The following C21orf91 variants were observed in gnomAD, a reference collection of about 807,000 sequenced individuals.
C21orf91 encodes the protein chromosome 21 open reading frame 91, also known as protein EURL homolog.
A neutral mutation model predicts 32.9 loss-of-function variants in C21orf91; 26 were observed. That is an observed-to-expected ratio of 0.79 (90% CI 0.58 to 1.10). The LOEUF (loss-of-function observed/expected upper bound fraction) is 1.10, where lower values mean the gene tolerates loss of function less well. Ranked by LOEUF, C21orf91 falls within the 50% of genes least tolerant of loss-of-function variation. The pLI is 0.00. For missense variants in C21orf91, 310 were observed against 341.3 expected (o/e 0.91, Z 0.72); for synonymous variants, 126 against 120.4 (o/e 1.05, Z -0.31).
chr21:17,794,072 GT>G (rs1317087957), intron 4 of C21orf91, among the ~76,000 whole-genome samples: 2 of 152,268 alleles, frequency 1.3e-5, no homozygotes, highest in East Asian at 3.9e-4. Context: ...AATAATGATA[GT>G]AAGCACTTCA....
chr21:17,816,269 T>C (rs1415822955), intron 2 of C21orf91, among the ~76,000 whole-genome samples: 1 of 152,216 alleles, frequency 6.6e-6, no homozygotes, highest in Non-Finnish European at 1.5e-5. Flanking sequence ...TGTTAAGAGA[T>C]GGTACCTAAG....
At chr21:17,804,235 G>A (rs1390892789) in intron 2 of C21orf91, among the ~76,000 whole-genome samples, 1 of 152,230 alleles carries the variant, frequency 6.6e-6, no homozygotes, top group Non-Finnish European at 1.5e-5. Context: ...CACTGAGTGG[G>A]AGGATGCTCA....
In C21orf91 at chr21:17,792,181, T is replaced by C. The variant is rs934585919; in HGVS notation, c.*1234A>G. ...GCATTGGTTATAGCCTTTACTGTAA[T>C]ACATTATTAAAATTTATCTAGCTGT... On this transcript the variant is annotated 3_prime_UTR_variant, in exon 5 of 5. Transcript: ENST00000284881. The C allele has an allele frequency of 6.6e-5, 10 of 152,160 alleles. No individual in the cohort carries two copies. Among genetic ancestry groups the C allele is most frequent in the African/African-American group, 2.2e-4 (9 of 41,450 alleles). 9.4% of individuals were successfully genotyped at this position (152,160 alleles called of 1,614,324 possible).
chr21:17,801,274 G>T (rs1304681511), intron 2 of C21orf91, among the ~76,000 whole-genome samples: 3 of 140,440 alleles, frequency 2.1e-5, no homozygotes, highest in East Asian at 2.1e-4. Flanking sequence ...AACACCGTAT[G>T]TTTTTTTTTT....
rs773280998 is a variant in C21orf91, at chr21:17,790,613, CAT to C, written c.*2800_*2801del. 6.6e-6 allele frequency: 1 copy of C among 152,066 alleles called. No individual in the cohort carries two copies. The highest frequency in any genetic ancestry group is 1.5e-5 in the Non-Finnish European group (1 of 67,926). 9.4% of individuals were successfully genotyped at this position (152,066 alleles called of 1,614,324 possible). A position where few individuals can be genotyped will look rare whatever the true frequency, so the allele number is the denominator to read the frequency against. On this transcript the variant is annotated 3_prime_UTR_variant, in exon 5 of 5. Transcript: ENST00000284881. ...AATGTGTCTTTGCTCCACCATTGTG[CAT>C]AGTCAACGACACAACAAAACACTAT...
intron 2 of C21orf91, among the ~76,000 whole-genome samples, chr21:17,805,337 G>T (rs1002387395): frequency 3.9e-5 from 6 of 152,096 alleles, no homozygotes; most frequent in African/African-American, 1.4e-4. Context: ...ATTTTAGATG[G>T]AGTTTTGCTT....
Position 17,796,938 on chromosome 21 carries a change from T to C in C21orf91, c.308A>G (p.Asn103Ser). ...TTCAGAATCTGAATCCAGATCCTTA[T>C]TTTGTGCATACTGCACAATCCAGTT... ...KINWIVQYAQNKDLDSDSECS... is the reference protein window; with the variant it reads ...KINWIVQYAQSKDLDSDSECS... Residue 103 changes from asparagine (N) to serine (S), a missense_variant, in exon 3 of 5, where the codon AAT becomes AGT. Coordinates refer to ENST00000284881, the MANE Select transcript of C21orf91 (RefSeq NM_001100420.2). 6.2e-7 allele frequency: 1 copy of C among 1,613,050 alleles called. No homozygotes were observed.
chr21:17,818,729 G>A, intron 1 of C21orf91: 1 of 158,812 alleles, frequency 6.3e-6, no homozygotes, highest in Non-Finnish European at 1.4e-5. Context: ...CAGGAAAAAC[G>A]ACCTGCACGG....
At chr21:17,819,181 G>T (rs1292388259) in intron 1 of C21orf91, 122 bp downstream of exon 1, 1 of 152,282 alleles carries the variant, frequency 6.6e-6, no homozygotes, top group African/African-American at 2.4e-5. Flanking sequence ...CGGTCTGTCC[G>T]TCGGGGCGCC....
chr21:17,815,332 G>A (rs1018250476), intron 2 of C21orf91, among the ~76,000 whole-genome samples: 2 of 151,994 alleles, frequency 1.3e-5, no homozygotes, highest in Non-Finnish European at 2.9e-5. Context: ...ACCAAAGCTA[G>A]CAATTATAAA....
chr21:17,807,581 G>A (rs2062606227), intron 2 of C21orf91, among the ~76,000 whole-genome samples: 1 of 152,214 alleles, frequency 6.6e-6, no homozygotes, highest in Non-Finnish European at 1.5e-5. Context: ...GATGATAAGG[G>A]AAACTTCGGA....
At chr21:17,804,157 A>G (rs568837134) in intron 2 of C21orf91, among the ~76,000 whole-genome samples, 1 of 152,282 alleles carries the variant, frequency 6.6e-6, no homozygotes, top group East Asian at 1.9e-4. Flanking sequence ...CATGCATTTG[A>G]TGAGCAAGCA....
At chr21:17,811,071 T>C (rs993890650) in intron 2 of C21orf91, among the ~76,000 whole-genome samples, 1 of 152,222 alleles carries the variant, frequency 6.6e-6, no homozygotes, top group Non-Finnish European at 1.5e-5. Flanking sequence ...CAATCTTGCC[T>C]AAAAGTTACT....
chr21:17,807,508 G>T lies in C21orf91; in HGVS notation c.128-10390C>A, dbSNP rs551506755. On this transcript the variant is annotated intron_variant, in intron 2 of 4. Transcript: ENST00000284881. ...TATAAAGATACCTGAAAATGTGGAA[G>T]CGACTTTGTAACAGGATAATGCGCA... is the stretch of plus-strand genomic sequence containing the variant. Among the ~76,000 whole-genome samples, 377 of 152,334 alleles carry T rather than the reference G, an allele frequency of 2.5e-3. 1 individual carries two copies. Among genetic ancestry groups the T allele is most frequent in the African/African-American group, 8.8e-3 (364 of 41,580 alleles).
At chr21:17,818,677 T>A (rs548475401) in intron 1 of C21orf91, among the ~76,000 whole-genome samples, 1 of 152,246 alleles carries the variant, frequency 6.6e-6, no homozygotes, top group Non-Finnish European at 1.5e-5. Context: ...CGAGGCCTTT[T>A]CAGCTACCAG....
At chr21:17,810,242 A>T in intron 2 of C21orf91, among the ~76,000 whole-genome samples, 1 of 152,252 alleles carries the variant, frequency 6.6e-6, no homozygotes, top group East Asian at 1.9e-4. Context: ...GATTAAATGT[A>T]ACAGCAAAAT....
intron 2 of C21orf91, among the ~76,000 whole-genome samples, chr21:17,801,274 G>GTTCTTTTTTTTTTTTTT (rs1278315799): frequency 7.1e-6 from 1 of 140,414 alleles, no homozygotes; most frequent in East Asian, 2.1e-4. Context: ...AACACCGTAT[G>GTTCTTTTTTTTTTTTTT]TTTTTTTTTT....
intron 2 of C21orf91, among the ~76,000 whole-genome samples, chr21:17,810,309 G>A (rs933556432): frequency 2.6e-5 from 4 of 151,978 alleles, no homozygotes; most frequent in East Asian, 1.9e-4. Flanking sequence ...ATTTATATTC[G>A]GTAATAAACA....
chr21:17,811,419 G>GGGT (rs2062631663), intron 2 of C21orf91: 1 of 152,144 alleles, frequency 6.6e-6, no homozygotes, highest in Non-Finnish European at 1.5e-5. Context: ...TCCAACTAGA[G>GGGT]GGTGACACTT....
Sources: allele counts gnomAD v4.1 joint callset (sites outside exome capture counted in the v4.1 genomes callset), GRCh38; gene constraint gnomAD v4.1.1; transcripts MANE v1.5; gene names NCBI Gene and HGNC (gene_info 2026-07-23, HGNC 2026-07-21).